The following AFF1 variants were observed in gnomAD, a reference collection of about 807,000 sequenced individuals.
The protein encoded by AFF1 is ALF transcription elongation factor 1.
A neutral mutation model predicts 121.7 loss-of-function variants in AFF1; 48 were observed. The ratio of observed to expected loss-of-function variants is 0.39; its 90% CI spans 0.31 to 0.50. The LOEUF (loss-of-function observed/expected upper bound fraction) is 0.50, where lower values mean the gene tolerates loss of function less well. Among genes scored for constraint, AFF1 ranks in the 20% least tolerant of loss-of-function variants. AFF1 has a pLI of 0.76. For missense variants in AFF1, 1,523 were observed against 1,511.7 expected (o/e 1.01, Z -0.12); for synonymous variants, 613 against 563.0 (o/e 1.09, Z -1.26).
intron 2 of AFF1, among the ~76,000 whole-genome samples, chr4:86,987,803 A>G: frequency 6.6e-6 from 1 of 152,090 alleles, no homozygotes; most frequent in South Asian, 2.1e-4. Context: ...AAATACAAAA[A>G]TTAGCTGGGC....
intron 11 of AFF1, among the ~76,000 whole-genome samples, chr4:87,109,551 A>C (rs1227098238): frequency 6.6e-6 from 1 of 152,238 alleles, no homozygotes; most frequent in Non-Finnish European, 1.5e-5. Flanking sequence ...CTCAGGGAAA[A>C]GGATACTGAA....
intron 12 of AFF1, among the ~76,000 whole-genome samples, chr4:87,119,783 G>A (rs1727501013): frequency 1.3e-5 from 2 of 152,182 alleles, no homozygotes; most frequent in South Asian, 2.1e-4. Flanking sequence ...CTAAATAATC[G>A]CTTTGCTGAC....
intron 2 of AFF1, among the ~76,000 whole-genome samples, chr4:86,969,464 G>A (rs1184170232): frequency 1.3e-5 from 2 of 151,842 alleles, no homozygotes; most frequent in Non-Finnish European, 2.9e-5. Flanking sequence ...GGGCAACAGA[G>A]CGAGCTTCCA....
chr4:86,979,817 A>G (rs989096506), intron 2 of AFF1, among the ~76,000 whole-genome samples: 1 of 151,066 alleles, frequency 6.6e-6, no homozygotes, highest in Non-Finnish European at 1.5e-5. Context: ...GCAAAATACT[A>G]TGACTGTATT....
At chr4:87,129,721 C>T (rs1260326555) in intron 16 of AFF1, among the ~76,000 whole-genome samples, 4 of 152,150 alleles carry the variant, frequency 2.6e-5, no homozygotes, top group Non-Finnish European at 5.9e-5. Flanking sequence ...ATTGAATATT[C>T]TGAAATATAC....
chr4:87,017,140 G>A (rs1394031261), intron 2 of AFF1, among the ~76,000 whole-genome samples: 1 of 142,794 alleles, frequency 7.0e-6, no homozygotes, highest in Non-Finnish European at 1.5e-5. Flanking sequence ...AGCTGAAGGT[G>A]GAATTTCTGG....
chr4:87,027,443 G>C (rs1276275939), intron 2 of AFF1, among the ~76,000 whole-genome samples: 2 of 152,108 alleles, frequency 1.3e-5, no homozygotes. Context: ...CCAAAGATTT[G>C]CTATAATATT....
intron 2 of AFF1, among the ~76,000 whole-genome samples, chr4:86,977,248 C>A (rs902205820): frequency 2.6e-5 from 4 of 152,110 alleles, no homozygotes; most frequent in African/African-American, 9.7e-5. Context: ...TACTGAGTGA[C>A]TTACAGGTGA....
intron 8 of AFF1, among the ~76,000 whole-genome samples, chr4:87,099,766 G>A (rs943099372): frequency 4.6e-5 from 7 of 152,122 alleles, no homozygotes; most frequent in African/African-American, 2.4e-5. Context: ...TGGTCAATAA[G>A]ACAAAATATT....
chr4:86,978,321 C>A (rs1313708067), intron 2 of AFF1, among the ~76,000 whole-genome samples: 1 of 150,512 alleles, frequency 6.6e-6, no homozygotes, highest in Admixed American at 6.7e-5. Flanking sequence ...AGAGCTGGGA[C>A]TACAGACGCG....
At chr4:86,998,112 A>C (rs1035920155) in intron 2 of AFF1, among the ~76,000 whole-genome samples, 7 of 138,766 alleles carry the variant, frequency 5.0e-5, no homozygotes, top group South Asian at 4.3e-4. Flanking sequence ...AAAAAAAAAA[A>C]AAAAAAAAAA....
intron 2 of AFF1, among the ~76,000 whole-genome samples, chr4:87,014,391 C>T (rs1470364016): frequency 1.3e-5 from 2 of 152,088 alleles, no homozygotes; most frequent in Non-Finnish European, 1.5e-5. Context: ...TTTGTGAAAC[C>T]GAAATGAAAG....
At chr4:87,049,621 G>T in intron 4 of AFF1, 1 of 456,098 alleles carries the variant, frequency 2.2e-6, no homozygotes, top group Non-Finnish European at 4.4e-6. Flanking sequence ...CAATGGAGTA[G>T]AAGTAAACCT....
At chr4:87,061,157 T>G (rs570823166) in intron 4 of AFF1, among the ~76,000 whole-genome samples, 128 of 152,190 alleles carry the variant, frequency 8.4e-4, no homozygotes, top group Non-Finnish European at 1.4e-3. Flanking sequence ...CACTGTGGTT[T>G]GTTTTGCTTA....
intron 2 of AFF1, among the ~76,000 whole-genome samples, chr4:87,032,515 T>C (rs1487140836): frequency 6.6e-6 from 1 of 152,238 alleles, no homozygotes; most frequent in African/African-American, 2.4e-5. Flanking sequence ...TTTTTTGTTG[T>C]TGCTGTCTGC....
intron 14 of AFF1, among the ~76,000 whole-genome samples, chr4:87,126,773 A>G (rs772438835): frequency 4.7e-4 from 72 of 152,168 alleles, no homozygotes; most frequent in East Asian, 1.2e-3. Flanking sequence ...TGACTAAGAG[A>G]AAGTGTTATG....
chr4:87,079,170 C>T (rs1189782679), intron 4 of AFF1, among the ~76,000 whole-genome samples: 1 of 152,100 alleles, frequency 6.6e-6, no homozygotes, highest in South Asian at 2.1e-4. Flanking sequence ...GATAAGTAAG[C>T]CTTTTTGAGA....
At chr4:86,969,093 G>T (rs1722738107) in intron 2 of AFF1, among the ~76,000 whole-genome samples, 1 of 152,236 alleles carries the variant, frequency 6.6e-6, no homozygotes, top group Non-Finnish European at 1.5e-5. Context: ...TCAGGAATCT[G>T]CATCAGCTTC....
intron 2 of AFF1, among the ~76,000 whole-genome samples, chr4:87,013,202 G>A (rs1424742196): frequency 1.4e-5 from 2 of 141,760 alleles, no homozygotes; most frequent in South Asian, 2.1e-4. Flanking sequence ...CACCAAGCCC[G>A]GCTAATTTTG....
Sources: allele counts gnomAD v4.1 joint callset (sites outside exome capture counted in the v4.1 genomes callset), GRCh38; gene constraint gnomAD v4.1.1; transcripts MANE v1.5; gene names NCBI Gene and HGNC (gene_info 2026-07-23, HGNC 2026-07-21).